The following ZNF248 variants were observed in gnomAD, a reference collection of about 807,000 sequenced individuals.
ZNF248 encodes the protein KRAB protein domain.
A neutral mutation model predicts 44.3 loss-of-function variants in ZNF248; 20 were observed. The observed-to-expected ratio is 0.45, with a 90% CI of 0.32 to 0.66. The LOEUF is 0.66. Ranked by LOEUF, ZNF248 falls within the 30% of genes least tolerant of loss-of-function variation. ZNF248 has a pLI of 0.04. For synonymous variants in ZNF248, 224 were observed against 229.0 expected (o/e 0.98, Z 0.20); for missense variants, 654 against 677.0 (o/e 0.97, Z 0.38).
At chr10:37,812,937 C>G (rs1259464724) in intron 6 of ZNF248, among the ~76,000 whole-genome samples, 1 of 150,994 alleles carries the variant, frequency 6.6e-6, no homozygotes, top group Non-Finnish European at 1.5e-5. Context: ...CTGGAGAAAA[C>G]TATATCCGGA....
chr10:37,790,751 A>G (rs2048421956), intron 6 of ZNF248, among the ~76,000 whole-genome samples: 1 of 149,520 alleles, frequency 6.7e-6, no homozygotes, highest in Non-Finnish European at 1.5e-5. Context: ...TAAAAAAATA[A>G]AAATAAAAAA....
chr10:37,814,884 T>A (rs2052161923), intron 6 of ZNF248, among the ~76,000 whole-genome samples: 1 of 152,226 alleles, frequency 6.6e-6, no homozygotes, highest in East Asian at 1.9e-4. Flanking sequence ...TTTGATTTTA[T>A]CTTACTTGAA....
intron 6 of ZNF248, chr10:37,803,620 G>C (rs2133246937): frequency 6.6e-6 from 1 of 152,342 alleles, no homozygotes; most frequent in East Asian, 1.9e-4. Flanking sequence ...TCTCAGATCA[G>C]AAGTGTGACC....
chr10:37,786,176 C>G (rs190058749), intron 6 of ZNF248, among the ~76,000 whole-genome samples: 1 of 152,206 alleles, frequency 6.6e-6, no homozygotes, highest in African/African-American at 2.4e-5. Flanking sequence ...GAGATCAATG[C>G]AGAGCACTCA....
At chr10:37,769,148 A>C in the ZNF248 span, among the ~76,000 whole-genome samples, 1 of 152,202 alleles carries the variant, frequency 6.6e-6, no homozygotes, top group Non-Finnish European at 1.5e-5. Context: ...CCAACCAAAA[A>C]AAGTCCAGAA....
chr10:37,857,818 AC>A (rs980980515), upstream of ZNF248: 40 of 152,416 alleles, frequency 2.6e-4, no homozygotes, highest in African/African-American at 9.4e-4. Flanking sequence ...ACGCATACGG[AC>A]CCCCGGGAGC....
chr10:37,846,054 G>A (rs929448574), intron 3 of ZNF248, among the ~76,000 whole-genome samples: 1 of 152,148 alleles, frequency 6.6e-6, no homozygotes, highest in African/African-American at 2.4e-5. Context: ...CTGCTTTCCT[G>A]AAATGTACCA....
intron 6 of ZNF248, among the ~76,000 whole-genome samples, chr10:37,804,101 C>CTT (rs59261731): frequency 0.012 from 1,558 of 124,818 alleles, 51 homozygotes; most frequent in African/African-American, 0.031. Flanking sequence ...TTTTCTTTTT[C>CTT]TTTTTTTTTT....
Position 37,829,082 on chromosome 10 carries a change from C to T in ZNF248, c.*2533G>A, listed in dbSNP as rs2054916678. 6.1e-6 allele frequency: 6 copies of T among 985,382 alleles called. No individual in the cohort carries two copies. The highest frequency in any genetic ancestry group is 9.4e-5 in the South Asian group (2 of 21,294). 61.0% of individuals were successfully genotyped at this position (985,382 alleles called of 1,614,324 possible). ...CATTTCTCTTCCCAGATTCTCTCTC[C>T]ACCCTTCTCTGTGCCCACCTGGGCT... is the stretch of plus-strand genomic sequence containing the variant. On this transcript the variant is annotated 3_prime_UTR_variant, in exon 6 of 6. Coordinates refer to ENST00000395867, the MANE Select transcript of ZNF248 (RefSeq NM_021045.3).
intron 6 of ZNF248, among the ~76,000 whole-genome samples, chr10:37,776,847 C>T (rs963715560): frequency 6.6e-6 from 1 of 152,116 alleles, no homozygotes; most frequent in Non-Finnish European, 1.5e-5. Flanking sequence ...TCTACCCTGG[C>T]CATGTGACCT....
At chr10:37,774,037 T>C (rs1255910353), downstream of ZNF248, among the ~76,000 whole-genome samples, 2 of 151,526 alleles carry the variant, frequency 1.3e-5, no homozygotes, top group Non-Finnish European at 3.0e-5. Context: ...ATCCTATCAG[T>C]TGTTTCTCTG....
chr10:37,817,122 C>G (rs1318474288), intron 6 of ZNF248, among the ~76,000 whole-genome samples: 1 of 152,100 alleles, frequency 6.6e-6, no homozygotes, highest in Non-Finnish European at 1.5e-5. Context: ...CATGTAGATG[C>G]CACTGCCCTC....
At chr10:37,858,027 G>A (rs2061602262), upstream of ZNF248, 1 of 152,288 alleles carries the variant, frequency 6.6e-6, no homozygotes, top group Admixed American at 6.5e-5. Flanking sequence ...GCCGCCTCCG[G>A]AGGCGAGGGA....
At chr10:37,856,838 GTGGCTCGGGAAACTGCAGAC>G (rs752319504) in intron 1 of ZNF248, 27 of 517,040 alleles carry the variant, frequency 5.2e-5, no homozygotes, top group Admixed American at 6.4e-5. Context: ...ATGGGCAGCA[GTGGCTCGGGAAACTGCAGAC>G]TTGACTTCTA....
At chr10:37,856,790 G>C (rs1215871842) in intron 1 of ZNF248, 1 of 927,602 alleles carries the variant, frequency 1.1e-6, no homozygotes, top group Non-Finnish European at 1.3e-6. Context: ...TTCCTCAAAA[G>C]GATCTTTTAA....
chr10:37,814,496 G>C (rs1406377774), intron 6 of ZNF248, among the ~76,000 whole-genome samples: 1 of 151,994 alleles, frequency 6.6e-6, no homozygotes. Flanking sequence ...TTCTTTTATG[G>C]CATTAGTTTC....
At chr10:37,767,249 G>A in the ZNF248 span, among the ~76,000 whole-genome samples, 303 of 152,196 alleles carry the variant, frequency 2.0e-3, 1 homozygote, top group African/African-American at 6.4e-3. Context: ...GCAGGCCAAC[G>A]TTCAGATTCA....
Position 37,831,562 on chromosome 10 carries a change from C to A in ZNF248, c.*53G>T. 1 of 1,560,348 alleles carries A rather than the reference C, an allele frequency of 6.4e-7. No homozygotes were observed. The highest frequency in any genetic ancestry group is 1.2e-5 in the South Asian group (1 of 81,892). ...GACATTCTTTGGCTTTCTCTGATCT[C>A]CTTTTTTGAAACTGTATAACCAATT... On this transcript the variant is annotated 3_prime_UTR_variant, in exon 6 of 6. Transcript: ENST00000395867.
intron 6 of ZNF248, chr10:37,819,918 T>C (rs957713884): frequency 2.6e-6 from 2 of 773,148 alleles, no homozygotes; most frequent in South Asian, 1.3e-5. Context: ...CATCTGCCCA[T>C]TGTTCAGTAA....
Sources: gnomAD v4.1 joint callset for allele counts (sites outside exome capture counted in the v4.1 genomes callset) on GRCh38, gnomAD v4.1.1 for gene constraint, MANE v1.5 for transcripts, NCBI Gene and HGNC (gene_info 2026-07-23, HGNC 2026-07-21) for gene names.